Variants in TOP1MT observed in about 807,000 individuals in gnomAD.
TOP1MT encodes the protein DNA topoisomerase I, mitochondrial.
TOP1MT carries 80 observed loss-of-function variants against 73.9 expected under a neutral mutation model. That is an observed-to-expected ratio of 1.08 (90% CI 0.90 to 1.30). The LOEUF (loss-of-function observed/expected upper bound fraction) is 1.30. Among genes scored for constraint, TOP1MT ranks in the 50% most tolerant of loss-of-function variants. The probability of loss-of-function intolerance (pLI) is 0.00; values close to 1 mark genes in which losing one functional copy is unlikely to be tolerated. For missense variants in TOP1MT, 815 were observed against 808.0 expected, an observed-to-expected ratio of 1.01 and a Z score of -0.10; for synonymous variants, 338 against 326.4, an observed-to-expected ratio of 1.04 and a Z score of -0.38.
At chr8:143,343,372 A>C (rs1817165630) in intron 1 of TOP1MT, 1 of 433,666 alleles carries the variant, frequency 2.3e-6, no homozygotes, top group African/African-American at 2.0e-5. Context: ...GAACAACCTC[A>C]TGGAAGCCTC....
At position 143,321,282 on chromosome 8, in the gene TOP1MT, A is replaced by G. The variant is rs1284401104; in HGVS notation, c.1065T>C (p.Asp355=). The G allele has an allele frequency of 2.5e-6, 4 of 1,612,534 alleles. No homozygotes were observed. The highest frequency in any genetic ancestry group is 1.3e-5 in the African/African-American group (1 of 74,882). The change falls in exon 8 of 14, where the codon GAT becomes GAC. Residue 355 remains aspartate, a synonymous_variant. Coordinates refer to ENST00000329245, the MANE Select transcript of TOP1MT (RefSeq NM_052963.3). ...CAAATTCCACCACGTGTTGGCAGCC[A>G]TCGGCCTCCGGGTGCAGCTGGACGT... ...VEHVQLHPEA[D]GCQHVVEFDF...
intron 12 of TOP1MT, 116 bp downstream of exon 12, chr8:143,315,609 ATC>A: frequency 1.4e-6 from 1 of 694,044 alleles, no homozygotes; most frequent in Non-Finnish European, 2.4e-6. Context: ...TATTTCTACA[ATC>A]TCTCGTCTCC....
chr8:143,320,131 G>GA (rs1210064014), intron 8 of TOP1MT, among the ~76,000 whole-genome samples: 3 of 151,120 alleles, frequency 2.0e-5, no homozygotes, highest in Non-Finnish European at 4.4e-5. Flanking sequence ...CTTGAAAAAA[G>GA]AAAAAAAATT....
intron 12 of TOP1MT, among the ~76,000 whole-genome samples, chr8:143,314,251 C>T (rs535028783): frequency 1.8e-4 from 28 of 152,280 alleles, no homozygotes; most frequent in Middle Eastern, 3.4e-3. Context: ...CCTCCTCCCA[C>T]GGCTCCATGT....
At chr8:143,333,594 G>C (rs919077558) in intron 1 of TOP1MT, among the ~76,000 whole-genome samples, 7 of 152,214 alleles carry the variant, frequency 4.6e-5, no homozygotes, top group East Asian at 1.9e-4. Flanking sequence ...CCAGCGGCCA[G>C]GCAGGGCTGC....
chr8:143,328,119 TACAA>T, intron 3 of TOP1MT: 1 of 418,370 alleles, frequency 2.4e-6, no homozygotes, highest in Non-Finnish European at 4.8e-6. Flanking sequence ...AAATAGAAAC[TACAA>T]ACACCATGAA....
chr8:143,358,893 C>A (rs980591961), upstream of TOP1MT, among the ~76,000 whole-genome samples: 2 of 152,254 alleles, frequency 1.3e-5, no homozygotes, highest in Non-Finnish European at 2.9e-5. Flanking sequence ...ACTACGCAAC[C>A]AGGCTCACTA....
upstream of TOP1MT, chr8:143,335,006 G>C (rs928909829): frequency 1.6e-5 from 14 of 858,252 alleles, no homozygotes; most frequent in East Asian, 1.8e-4. Context: ...AAGCCTGCAC[G>C]GGGCTGCGGC....
At chr8:143,357,986 G>A (rs1817440684), upstream of TOP1MT, among the ~76,000 whole-genome samples, 1 of 151,748 alleles carries the variant, frequency 6.6e-6, no homozygotes, top group Non-Finnish European at 1.5e-5. Context: ...TACTGGAGAG[G>A]CTGAGGCGGA....
chr8:143,309,801 G>A (rs1425256574), intron 13 of TOP1MT: 1 of 1,533,588 alleles, frequency 6.5e-7, no homozygotes. Flanking sequence ...ACTCCCTGTG[G>A]GCAGGCTGAG....
upstream of TOP1MT, among the ~76,000 whole-genome samples, chr8:143,358,212 A>AT (rs1817444478): frequency 6.6e-6 from 1 of 152,144 alleles, no homozygotes; most frequent in South Asian, 2.1e-4. Context: ...GCTTCTTTGC[A>AT]TTTTCCAGCC....
chr8:143,319,049 T>C lies in TOP1MT; in HGVS notation c.1147-963A>G, dbSNP rs1330494604. 2.0e-5 allele frequency among the ~76,000 whole-genome samples: 3 copies of C among 152,210 alleles called. No homozygotes were observed. The East Asian group carries it at 5.8e-4, about 29-fold the overall frequency. ...CCATCCAGGCCTGCACCACAGCCGATGCTTCACCACGGCAGGGGCACTGTG... is the reference window on the plus strand; with the variant it reads ...CCATCCAGGCCTGCACCACAGCCGACGCTTCACCACGGCAGGGGCACTGTG... On this transcript the variant is annotated intron_variant, in intron 8 of 13. Coordinates refer to ENST00000329245, the MANE Select transcript of TOP1MT (RefSeq NM_052963.3).
chr8:143,351,370 C>G (rs995999872), intron 1 of TOP1MT, among the ~76,000 whole-genome samples: 2 of 152,004 alleles, frequency 1.3e-5, no homozygotes, highest in African/African-American at 4.8e-5. Context: ...GTCAGGAGTT[C>G]AAGACCAGCC....
chr8:143,316,104 C>T lies in TOP1MT; in HGVS notation c.1353G>A (p.Lys451=). The T allele has an allele frequency of 1.2e-6, 2 of 1,614,156 alleles. No homozygotes were observed. The highest frequency in any genetic ancestry group is 1.7e-6 in the Non-Finnish European group (2 of 1,179,990). The change falls in exon 11 of 14, where the codon AAG becomes AAA. Residue 451 remains lysine, a synonymous_variant. Coordinates refer to ENST00000329245, the MANE Select transcript of TOP1MT (RefSeq NM_052963.3). ...GGTTGGCTCGGTTGTAGGATAAGAT[C>T]TTAGCTGCTATGCTGTCCTCGGCTG... is the stretch of plus-strand genomic sequence containing the variant. ...LTRAEDSIAA[K]ILSYNRANRV...
upstream of TOP1MT, chr8:143,359,119 G>T: frequency 1.5e-6 from 1 of 666,142 alleles, no homozygotes; most frequent in Non-Finnish European, 1.9e-6. Flanking sequence ...TGGGATTATA[G>T]GTGTGAGCCA....
upstream of TOP1MT, among the ~76,000 whole-genome samples, chr8:143,356,293 C>CA (rs530667744): frequency 6.6e-6 from 1 of 152,210 alleles, no homozygotes; most frequent in South Asian, 2.1e-4. Context: ...CCAACCCTCC[C>CA]AGGATGGACA....
intron 2 of TOP1MT, among the ~76,000 whole-genome samples, chr8:143,330,766 C>T (rs1190906566): frequency 6.6e-6 from 1 of 152,206 alleles, no homozygotes; most frequent in African/African-American, 2.4e-5. Context: ...CCTGCTGCCC[C>T]AGAGCCCCCG....
Position 143,325,488 on chromosome 8 carries a change from A to G in TOP1MT, c.529T>C (p.Cys177Arg), listed in dbSNP as rs750028820. ...AEKLQQEFGY[C>R]ILDGHQEKIG... is the part of the protein sequence containing the mutation. ...TTTTCTTGGTGACCATCTAAAATAC[A>G]GTAGCCGAACTCTTGCTGAAGTTTT... Residue 177 changes from cysteine to arginine, a missense_variant, in exon 5 of 14, where the codon TGT becomes CGT. This residue lies in a region of TOP1MT where 751 missense variants were observed against 725.4 expected (regional missense o/e 1.04). Coordinates refer to ENST00000329245, the MANE Select transcript of TOP1MT (RefSeq NM_052963.3). 8 of 1,612,448 alleles carry G rather than the reference A, an allele frequency of 5.0e-6. No individual in the cohort carries two copies. Among genetic ancestry groups the G allele is most frequent in the Non-Finnish European group, 6.8e-6 (8 of 1,178,666 alleles).
At chr8:143,329,199 C>G (rs549222787) in intron 3 of TOP1MT, 151 bp downstream of exon 3, 5 of 862,876 alleles carry the variant, frequency 5.8e-6, no homozygotes, top group Non-Finnish European at 8.7e-6. Context: ...CCCAGGAGCT[C>G]GAAGCTGCAA....
Sources: allele counts gnomAD v4.1 joint callset (sites outside exome capture counted in the v4.1 genomes callset), GRCh38; gene constraint gnomAD v4.1.1; regional missense constraint gnomAD v4.1.1; transcripts MANE v1.5; gene names NCBI Gene and HGNC (gene_info 2026-07-23, HGNC 2026-07-21).